HNRNPR: variants seen among roughly 807,000 people sequenced by gnomAD.
HNRNPR encodes the protein heterogeneous nuclear ribonucleoprotein R.
Under a neutral mutation model 70.3 loss-of-function variants are expected in HNRNPR, and 4 were observed. That is an observed-to-expected ratio of 0.06 (90% CI 0.03 to 0.13). HNRNPR has a LOEUF of 0.13. HNRNPR is among the 10% of genes least tolerant of loss of function. HNRNPR has a pLI of 1.00. For missense variants in HNRNPR, 423 were observed against 788.5 expected (o/e 0.54, Z 5.55); for synonymous variants, 241 against 267.6 (o/e 0.90, Z 0.97).
chr1:23,311,410 T>TG (rs1244189703), intron 9 of HNRNPR, 88 bp from the exon 10 acceptor site: 4 of 815,448 alleles, frequency 4.9e-6, no homozygotes, highest in Non-Finnish European at 7.6e-6. Flanking sequence ...TTGTGTAATT[T>TG]AATACACTTA....
At position 23,333,611 on chromosome 1, in the gene HNRNPR, A is replaced by C; in HGVS notation, c.405T>G (p.Gly135=). The C allele has an allele frequency of 6.2e-7, 1 of 1,610,872 alleles. No homozygotes were observed. The highest frequency in any genetic ancestry group is 8.5e-7 in the Non-Finnish European group (1 of 1,177,018). Residue 135 remains glycine (G), a synonymous_variant, in exon 5 of 11, where the codon GGT becomes GGG. Transcript: ENST00000302271. ...AKIKALLERT[G]YTLDVTTGQR... ...GTCCTGTGGTTACATCCAGAGTATA[A>C]CCAGTTCTCTCAAGCAAGGCCTAGA...
In HNRNPR at chr1:23,307,735, T is replaced by A. The variant is rs563359573; in HGVS notation, c.*2719A>T. The A allele has an allele frequency of 2.2e-4, 34 of 152,054 alleles. No homozygotes were observed. The highest frequency in any genetic ancestry group is 1.8e-4 in the Non-Finnish European group (12 of 67,938). The allele number at this position is 152,054 out of a possible 1,614,324, so 9.4% of individuals were successfully genotyped here. ...CATTATGGGGAGGGGCATATTTGTA[T>A]CGGTCTCACCAGGGTACCTACAAAG... On this transcript the variant is annotated 3_prime_UTR_variant, in exon 11 of 11. Transcript: ENST00000302271.
chr1:23,314,138 A>G (rs917498794), intron 8 of HNRNPR, among the ~76,000 whole-genome samples: 5 of 152,162 alleles, frequency 3.3e-5, no homozygotes, highest in African/African-American at 9.7e-5. Context: ...AACAAACTAT[A>G]ATGCTTAAAT....
intron 5 of HNRNPR, among the ~76,000 whole-genome samples, chr1:23,329,584 T>C (rs1337802897): frequency 1.3e-5 from 2 of 152,226 alleles, no homozygotes; most frequent in Non-Finnish European, 2.9e-5. Context: ...CTACAATTTA[T>C]CCATCAAGTA....
intron 8 of HNRNPR, among the ~76,000 whole-genome samples, chr1:23,317,494 C>G (rs1264662039): frequency 6.6e-6 from 1 of 151,902 alleles, no homozygotes; most frequent in Middle Eastern, 3.4e-3. Flanking sequence ...TCCCAGGAGT[C>G]GCCCAAAGGA....
intron 7 of HNRNPR, among the ~76,000 whole-genome samples, chr1:23,319,385 T>C (rs917428586): frequency 6.6e-6 from 1 of 152,206 alleles, no homozygotes; most frequent in Non-Finnish European, 1.5e-5. Context: ...TTCCCTAGAC[T>C]TCCTATCTAA....
intron 4 of HNRNPR, among the ~76,000 whole-genome samples, chr1:23,334,057 G>T (rs2148455460): frequency 6.6e-6 from 1 of 152,128 alleles, no homozygotes; most frequent in Admixed American, 6.5e-5. Flanking sequence ...GGGATTACAG[G>T]CATGTGCCAC....
intron 5 of HNRNPR, among the ~76,000 whole-genome samples, chr1:23,331,834 T>TGAAAAAAA (rs1404013850): frequency 1.7e-5 from 1 of 59,242 alleles, no homozygotes; most frequent in Non-Finnish European, 3.4e-5. Context: ...ACTGTTTCTT[T>TGAAAAAAA]AAAAAAAAAA....
intron 7 of HNRNPR, 52 bp downstream of exon 7, chr1:23,321,476 A>T (rs1236615108): frequency 6.7e-7 from 1 of 1,501,686 alleles, no homozygotes; most frequent in Admixed American, 1.7e-5. Context: ...AGCACTTGTA[A>T]GTAGTACAAC....
At position 23,316,198 on chromosome 1, in the gene HNRNPR, G is replaced by A. The variant is rs576953324; in HGVS notation, c.1017+2285C>T. On this transcript the variant is annotated intron_variant, in intron 8 of 10. Coordinates refer to ENST00000302271, the MANE Select transcript of HNRNPR (RefSeq NM_005826.5). Reference sequence around the variant, plus strand: ...GAGCTGGATGGGGTTGCAAGCACCCGGGAGGCTGAAGCAGGAGGGACGCTT... The same window carrying A: ...GAGCTGGATGGGGTTGCAAGCACCCAGGAGGCTGAAGCAGGAGGGACGCTT... Among the ~76,000 whole-genome samples the A allele has an allele frequency of 3.9e-5, 6 of 152,238 alleles. No individual in the cohort carries two copies. The East Asian group carries it at 7.7e-4, about 20-fold the overall frequency.
rs1371651870 is a variant in HNRNPR at position 23,307,455 on chromosome 1, A to G, written c.*2999T>C. 1 of 152,078 alleles carries G rather than the reference A, an allele frequency of 6.6e-6. No homozygotes were observed. Among genetic ancestry groups the G allele is most frequent in the Admixed American group, 6.5e-5 (1 of 15,278 alleles). The allele number at this position is 152,078 out of a possible 1,614,324, so 9.4% of individuals were successfully genotyped here. A position where few individuals can be genotyped will look rare whatever the true frequency, so the allele number is the denominator to read the frequency against. ...GAGAAAAATTATCTCCTACTATCAGAAAGCATTGGGCTTTCTTATGCAGAA... is the reference window on the plus strand; with the variant it reads ...GAGAAAAATTATCTCCTACTATCAGGAAGCATTGGGCTTTCTTATGCAGAA... On this transcript the variant is annotated 3_prime_UTR_variant, in exon 11 of 11. Coordinates refer to ENST00000302271, the MANE Select transcript of HNRNPR (RefSeq NM_005826.5).
intron 3 of HNRNPR, 155 bp downstream of exon 3, chr1:23,338,335 A>G: frequency 2.3e-6 from 1 of 436,162 alleles, no homozygotes; most frequent in Non-Finnish European, 4.1e-6. Context: ...GGCTTCTGAA[A>G]CTCTGCCACA....
Position 23,310,713 on chromosome 1 carries a change from C to T in HNRNPR, c.1643G>A (p.Gly548Asp). The change falls in exon 11 of 11, where the codon GGT becomes GAT. Residue 548 changes from glycine to aspartate, a missense_variant. Coordinates refer to ENST00000302271, the MANE Select transcript of HNRNPR (RefSeq NM_005826.5). This position sits in a 1 kb window ranked among gnomAD's most constrained non-coding sequence, Gnocchi z 6.0. ...PPRGSRGGRG[G>D]PAQQQRGRGS... is the part of the protein sequence containing the mutation. ...ACGGCCTCTCTGCTGTTGAGCAGGACCCCCTCTGCCACCCCTAGAGCCTCT... is the reference window on the plus strand; with the variant it reads ...ACGGCCTCTCTGCTGTTGAGCAGGATCCCCTCTGCCACCCCTAGAGCCTCT... 6.2e-7 allele frequency: 1 copy of T among 1,613,594 alleles called. No homozygotes were observed. The highest frequency in any genetic ancestry group is 1.1e-5 in the South Asian group (1 of 91,036).
chr1:23,323,814 G>A (rs1247395485), intron 5 of HNRNPR, 82 bp from the exon 6 acceptor site: 2 of 1,046,696 alleles, frequency 1.9e-6, no homozygotes, highest in Non-Finnish European at 2.9e-6. Context: ...TTTTTTTAAA[G>A]ATGGGGGCAG....
chr1:23,337,756 T>C lies in HNRNPR; in HGVS notation c.382A>G (p.Lys128Glu), dbSNP rs1646557229. The change falls in exon 4 of 11, where the codon AAG becomes GAG. Residue 128 changes from lysine to glutamate, a missense_variant and splice_region_variant. Physicochemically the swap from Lys to Glu is moderately conservative, Grantham distance 56. Transcript: ENST00000302271. ...STKGPDEAKI[K>E]ALLERTGYTL... ...CAACTACCCAAGTCAAGTTTTACCTTGATCTTCGCTTCATCAGGTCCCTTT... is the reference window on the plus strand; with the variant it reads ...CAACTACCCAAGTCAAGTTTTACCTCGATCTTCGCTTCATCAGGTCCCTTT... 6 of 1,598,234 alleles carry C rather than the reference T, an allele frequency of 3.8e-6. No homozygotes were observed. The highest frequency in any genetic ancestry group is 5.1e-6 in the Non-Finnish European group (6 of 1,167,712).
intron 5 of HNRNPR, among the ~76,000 whole-genome samples, chr1:23,328,575 C>A (rs1479280903): frequency 6.6e-6 from 1 of 152,184 alleles, no homozygotes; most frequent in Non-Finnish European, 1.5e-5. Context: ...TCTCGGCTTA[C>A]TGCAACCTCC....
At chr1:23,336,337 G>A (rs1363301099) in intron 4 of HNRNPR, among the ~76,000 whole-genome samples, 10 of 150,956 alleles carry the variant, frequency 6.6e-5, no homozygotes, top group Non-Finnish European at 1.0e-4. Context: ...AGGCCGAGGC[G>A]GGCGGATCAT....
At chr1:23,321,745 T>G (rs1645766483) in intron 6 of HNRNPR, 82 bp from the exon 7 acceptor site, 2 of 1,416,914 alleles carry the variant, frequency 1.4e-6, no homozygotes, top group Non-Finnish European at 1.9e-6. Flanking sequence ...TTCAACAATT[T>G]AAGGCCAAAC....
intron 4 of HNRNPR, 66 bp downstream of exon 4, chr1:23,337,688 T>C (rs545860866): frequency 7.5e-6 from 7 of 938,774 alleles, no homozygotes; most frequent in African/African-American, 1.8e-5. Flanking sequence ...CTAGGAAACA[T>C]GGAAAGAGGC....
Sources: gnomAD v4.1 joint callset for allele counts (sites outside exome capture counted in the v4.1 genomes callset) on GRCh38, gnomAD v4.1.1 for gene constraint, Gnocchi (gnomAD v3.1) non-coding constraint, MANE v1.5 for transcripts, NCBI Gene and HGNC (gene_info 2026-07-23, HGNC 2026-07-21) for gene names.